The following OR2A25 variants were observed in gnomAD, a reference collection of about 807,000 sequenced individuals.
OR2A25 encodes the protein olfactory receptor 2A25.
For missense variants in OR2A25, 362 were observed against 368.3 expected (o/e 0.98, Z 0.14); for synonymous variants, 162 against 148.1 (o/e 1.09, Z -0.68).
At chr7:144,070,263 C>G (rs1178851837) in intron 1 of OR2A25, 1 of 151,998 alleles carries the variant, frequency 6.6e-6, no homozygotes, top group Non-Finnish European at 1.5e-5. Context: ...TTTTTTCCCC[C>G]AATAATCTTT....
At chr7:144,074,033 A>G (rs966528058) in intron 1 of OR2A25, 183 bp from the exon 2 acceptor site, 2 of 619,558 alleles carry the variant, frequency 3.2e-6, no homozygotes, top group Non-Finnish European at 5.8e-6. Context: ...TTTATCATAG[A>G]TGACAAAATG....
At position 144,074,371 on chromosome 7, in the gene OR2A25, A is replaced by C. The variant is rs748857408; in HGVS notation, c.152A>C (p.Asp51Ala). 4.3e-6 allele frequency: 7 copies of C among 1,613,536 alleles called. No individual in the cohort carries two copies. In the Admixed American group the frequency reaches 1.2e-4, roughly 27 times the overall value. ...NGTILGLISL[D>A]SRLHTPMYFF... ...ACAATCCTGGGGCTCATCTCACTGG[A>C]CTCCAGACTCCACACCCCCATGTAC... The change falls in exon 2 of 2, where the codon GAC (aspartate) becomes GCC (alanine). Residue 51 changes from aspartate to alanine, a missense_variant. By Grantham distance (126) the Asp-to-Ala change is moderately radical. Transcript: ENST00000641663.
Position 144,074,543 on chromosome 7 carries a change from T to C in OR2A25, c.324T>C (p.His108=), listed in dbSNP as rs759491732. Reference sequence around the variant, plus strand: ...TGTTTCTGTTTTTGAGTTTTGCACATACAGAATGTCTCCTCCTGGTGGTGA... The same window carrying C: ...TGTTTCTGTTTTTGAGTTTTGCACACACAGAATGTCTCCTCCTGGTGGTGA... The part of the protein sequence containing the change: ...TQMFLFLSFA[H]TECLLLVVMS... The change falls in exon 2 of 2, where the codon CAT becomes CAC. Residue 108 remains histidine (H), a synonymous_variant. Transcript: ENST00000641663. 2 of 1,614,222 alleles carry C rather than the reference T, an allele frequency of 1.2e-6. No homozygotes were observed. Among genetic ancestry groups the C allele is most frequent in the South Asian group, 2.2e-5 (2 of 91,086 alleles).
rs1324634277 is a variant in OR2A25, at chr7:144,074,223, G to A, written c.4G>A (p.Gly2Arg). The A allele has an allele frequency of 6.2e-7, 1 of 1,612,878 alleles. No individual in the cohort carries two copies. The highest frequency in any genetic ancestry group is 8.5e-7 in the Non-Finnish European group (1 of 1,179,318). The part of the protein sequence containing the change: M[G>R]GNQTSITEFL... ...TCCTTGTTTCTTCTACAGGGAAATG[G>A]GGGGAAATCAGACTTCCATCACAGA... The change falls in exon 2 of 2, where the codon GGG (glycine) becomes AGG (arginine). Residue 2 changes from glycine (G) to arginine (R), a missense_variant. Coordinates refer to ENST00000641663, the MANE Select transcript of OR2A25 (RefSeq NM_001386096.1).
At chr7:144,072,448 A>G (rs1374960009) in intron 1 of OR2A25, among the ~76,000 whole-genome samples, 1 of 152,114 alleles carries the variant, frequency 6.6e-6, no homozygotes, top group Non-Finnish European at 1.5e-5. Context: ...TTCTATGAAT[A>G]TAAGTATATG....
chr7:144,071,711 T>C (rs570753493), intron 1 of OR2A25, among the ~76,000 whole-genome samples: 24 of 152,234 alleles, frequency 1.6e-4, no homozygotes, highest in Non-Finnish European at 3.2e-4. Context: ...TACTTGGAGA[T>C]GGGGGAAGAT....
intron 1 of OR2A25, 38 bp from the exon 2 acceptor site, chr7:144,074,178 G>C (rs369395347): frequency 1.7e-5 from 26 of 1,566,724 alleles, no homozygotes; most frequent in Non-Finnish European, 2.2e-5. Context: ...ATTTGCCTTA[G>C]ACATTCAGAC....
chr7:144,069,971 C>T (rs2051053528), intron 1 of OR2A25, 75 bp downstream of exon 1: 1 of 152,074 alleles, frequency 6.6e-6, no homozygotes, highest in Non-Finnish European at 1.5e-5. Context: ...TGAAGAGGTC[C>T]TGGAAGTAAT....
intron 1 of OR2A25, among the ~76,000 whole-genome samples, chr7:144,073,873 C>T (rs2051085977): frequency 6.6e-6 from 1 of 152,132 alleles, no homozygotes; most frequent in Non-Finnish European, 1.5e-5. Context: ...TGAAGGAATA[C>T]AGAAGGCAAG....
chr7:144,074,145 G>C, intron 1 of OR2A25, 71 bp from the exon 2 acceptor site: 1 of 1,324,610 alleles, frequency 7.5e-7, no homozygotes, highest in Non-Finnish European at 1.1e-6. Context: ...ACAATAATAT[G>C]TACAGTTGCA....
Position 144,075,071 on chromosome 7 carries a change from T to C in OR2A25, c.852T>C (p.Leu284=). 1.2e-6 allele frequency: 2 copies of C among 1,614,110 alleles called. No homozygotes were observed. Among genetic ancestry groups the C allele is most frequent in the Admixed American group, 1.7e-5 (1 of 60,030 alleles). ...LLFHSLFNPM[L]NPLIYSLRNK... ...TTCACAGCCTCTTCAATCCCATGCT[T>C]AATCCCCTAATTTATAGTCTTAGGA... The change falls in exon 2 of 2, where the codon CTT becomes CTC. Residue 284 remains leucine (L), a synonymous_variant. Coordinates refer to ENST00000641663, the MANE Select transcript of OR2A25 (RefSeq NM_001386096.1).
At chr7:144,073,267 A>G (rs1238455244) in intron 1 of OR2A25, among the ~76,000 whole-genome samples, 1 of 152,180 alleles carries the variant, frequency 6.6e-6, no homozygotes, top group Non-Finnish European at 1.5e-5. Flanking sequence ...TAAAGAAAAG[A>G]CAAATATTTA....
At position 144,074,280 on chromosome 7, in the gene OR2A25, A is replaced by T; in HGVS notation, c.61A>T (p.Arg21Trp). The T allele has an allele frequency of 6.2e-7, 1 of 1,614,012 alleles. No homozygotes were observed. Among genetic ancestry groups the T allele is most frequent in the Non-Finnish European group, 8.5e-7 (1 of 1,179,880 alleles). The change falls in exon 2 of 2, where the codon AGG (arginine) becomes TGG (tryptophan). Residue 21 changes from arginine (R) to tryptophan (W), a missense_variant. Coordinates refer to ENST00000641663, the MANE Select transcript of OR2A25 (RefSeq NM_001386096.1). The stretch of plus-strand genomic sequence containing the variant: ...CCTACTGGGATTTCCCATTGGCCCA[A>T]GGATTCAGATGCTCCTCTTTGGGCT... Reference protein sequence around the residue: ...FLLLGFPIGPRIQMLLFGLFS... With the variant: ...FLLLGFPIGPWIQMLLFGLFS...
At chr7:144,071,612 T>G (rs912405218) in intron 1 of OR2A25, among the ~76,000 whole-genome samples, 1 of 152,138 alleles carries the variant, frequency 6.6e-6, no homozygotes, top group African/African-American at 2.4e-5. Flanking sequence ...TACAAACAAG[T>G]ACAGTCTTAT....
chr7:144,074,604 C>T lies in OR2A25; in HGVS notation c.385C>T (p.Leu129Phe), dbSNP rs752195693. The T allele has an allele frequency of 6.2e-7, 1 of 1,614,210 alleles. No homozygotes were observed. The highest frequency in any genetic ancestry group is 1.7e-5 in the Admixed American group (1 of 60,034). The change falls in exon 2 of 2, where the codon CTC becomes TTC. Residue 129 changes from leucine to phenylalanine, a missense_variant. Transcript: ENST00000641663. ...YDRYVAICHPLRYSTIMTWKV... is the reference protein window; with the variant it reads ...YDRYVAICHPFRYSTIMTWKV... Reference sequence around the variant, plus strand: ...TCGGTACGTGGCCATCTGCCACCCTCTCCGATATTCTACCATCATGACCTG... The same window carrying T: ...TCGGTACGTGGCCATCTGCCACCCTTTCCGATATTCTACCATCATGACCTG...
At position 144,074,866 on chromosome 7, in the gene OR2A25, C is replaced by G. The variant is rs867612590; in HGVS notation, c.647C>G (p.Ser216Cys). 3.9e-5 allele frequency: 63 copies of G among 1,614,046 alleles called. No individual in the cohort carries two copies. Among genetic ancestry groups the G allele is most frequent in the Non-Finnish European group, 5.3e-5 (62 of 1,180,028 alleles). ...LVGAFFSTVISYVHILCAILK... is the reference protein window; with the variant it reads ...LVGAFFSTVICYVHILCAILK... ...GGAGCCTTCTTTTCCACTGTAATATCTTATGTTCATATTCTATGTGCCATT... is the reference window on the plus strand; with the variant it reads ...GGAGCCTTCTTTTCCACTGTAATATGTTATGTTCATATTCTATGTGCCATT... Residue 216 changes from serine (S) to cysteine (C), a missense_variant, in exon 2 of 2, where the codon TCT (serine) becomes TGT (cysteine). By Grantham distance (112) the Ser-to-Cys change is moderately radical. Coordinates refer to ENST00000641663, the MANE Select transcript of OR2A25 (RefSeq NM_001386096.1).
At position 144,074,451 on chromosome 7, in the gene OR2A25, C is replaced by G. The variant is rs770933489; in HGVS notation, c.232C>G (p.Pro78Ala). ...CATCGCCTGTGCTTGCAGCACGGTG[C>G]CCCAGATGCTGGTGAACCTCCTGCA... ...VDIACACSTV[P>A]QMLVNLLHPA... is the part of the protein sequence containing the mutation. The change falls in exon 2 of 2, where the codon CCC becomes GCC. Residue 78 changes from proline (P) to alanine (A), a missense_variant. Coordinates refer to ENST00000641663, the MANE Select transcript of OR2A25 (RefSeq NM_001386096.1). The G allele has an allele frequency of 1.2e-6, 2 of 1,614,176 alleles. No individual in the cohort carries two copies. The highest frequency in any genetic ancestry group is 1.6e-4 in the Middle Eastern group (1 of 6,062).
rs563462752 is a variant in OR2A25 at position 144,074,736 on chromosome 7, C to T, written c.517C>T (p.Leu173Phe). Residue 173 changes from leucine to phenylalanine, a missense_variant, in exon 2 of 2, where the codon CTT (leucine) becomes TTT (phenylalanine). Coordinates refer to ENST00000641663, the MANE Select transcript of OR2A25 (RefSeq NM_001386096.1). ...LPLSFCGPQK[L>F]NHFFCEIMAV... ...ACTGTCCTTCTGTGGACCCCAGAAA[C>T]TTAATCACTTTTTCTGTGAAATTAT... 6.2e-7 allele frequency: 1 copy of T among 1,614,166 alleles called. No individual in the cohort carries two copies. The highest frequency in any genetic ancestry group is 1.1e-5 in the South Asian group (1 of 91,078).
intron 1 of OR2A25, among the ~76,000 whole-genome samples, chr7:144,071,862 G>A (rs566859058): frequency 6.6e-6 from 1 of 152,172 alleles, no homozygotes; most frequent in South Asian, 2.1e-4. Context: ...ATACATTTGG[G>A]ACCACTGAAT....
Sources: allele counts gnomAD v4.1 joint callset (sites outside exome capture counted in the v4.1 genomes callset), GRCh38; gene constraint gnomAD v4.1.1; transcripts MANE v1.5; gene names NCBI Gene and HGNC (gene_info 2026-07-23, HGNC 2026-07-21).